Variants in PDE4A observed in about 807,000 individuals in gnomAD.
PDE4A encodes the protein 3',5'-cyclic-AMP phosphodiesterase 4A.
A neutral mutation model predicts 73.9 loss-of-function variants in PDE4A; 21 were observed. The observed-to-expected ratio is 0.28, with a 90% CI of 0.20 to 0.41. The LOEUF (loss-of-function observed/expected upper bound fraction) is 0.41, where lower values mean the gene tolerates loss of function less well. Among genes scored for constraint, PDE4A ranks in the 10% least tolerant of loss-of-function variants. PDE4A has a pLI of 1.00. For synonymous variants in PDE4A, 463 were observed against 505.4 expected (o/e 0.92, Z 1.13); for missense variants, 958 against 1,211.4 (o/e 0.79, Z 3.10).
At chr19:10,460,122 A>C (rs2043238915) in intron 10 of PDE4A, among the ~76,000 whole-genome samples, 1 of 151,452 alleles carries the variant, frequency 6.6e-6, no homozygotes, top group Admixed American at 6.6e-5. Context: ...CAACCTCGTG[A>C]TCAGCCCGCC....
intron 1 of PDE4A, among the ~76,000 whole-genome samples, chr19:10,427,197 G>A (rs975867330): frequency 6.6e-6 from 1 of 152,028 alleles, no homozygotes; most frequent in African/African-American, 2.4e-5. Flanking sequence ...CTACTCAGGA[G>A]GCTGAGGCAG....
chr19:10,447,329 C>T (rs1466225488), intron 2 of PDE4A, among the ~76,000 whole-genome samples: 2 of 147,038 alleles, frequency 1.4e-5, no homozygotes, highest in East Asian at 2.1e-4. Context: ...GGGTTCATGC[C>T]ATTCTCCTGC....
At chr19:10,465,800 G>C (rs373533372) in intron 14 of PDE4A, among the ~76,000 whole-genome samples, 2 of 134,736 alleles carry the variant, frequency 1.5e-5, no homozygotes, top group African/African-American at 2.8e-5. Flanking sequence ...TCCCGGGTTC[G>C]AGCCATTGTC....
Position 10,459,596 on chromosome 19 carries a change from AGCGGGACCT to A in PDE4A, c.1205_1213del (p.Arg402_Leu404del). On this transcript the variant is annotated inframe_deletion and splice_region_variant, in exon 10 of 15. Coordinates refer to ENST00000380702, the MANE Select transcript of PDE4A (RefSeq NM_001111307.2). ...CACCCTGCCCCTGCCTGCTCTCAGG[AGCGGGACCT>A]GCTGAAGAAATTCCGCATCCCTGTG... is the stretch of plus-strand genomic sequence containing the variant. 6.2e-7 allele frequency: 1 copy of A among 1,613,910 alleles called. No homozygotes were observed. Among genetic ancestry groups the A allele is most frequent in the Non-Finnish European group, 8.5e-7 (1 of 1,179,832 alleles).
In PDE4A at chr19:10,424,540, C is replaced by T. The variant is rs1351223485; in HGVS notation, c.320+3456C>T. Among the ~76,000 whole-genome samples the T allele has an allele frequency of 3.9e-5, 6 of 152,220 alleles. No individual in the cohort carries two copies. Among genetic ancestry groups the T allele is most frequent in the Admixed American group, 3.9e-4 (6 of 15,286 alleles). ...TGTGCGCTCCGAGCGCGGACCTGCT[C>T]CAGGGACGCCGCCAGTCCCGGAGCA... On this transcript the variant is annotated intron_variant, in intron 1 of 14. Transcript: ENST00000380702. This position sits in a 1 kb window ranked among gnomAD's most constrained non-coding sequence, Gnocchi z 4.8.
chr19:10,435,381 G>A (rs954068396), intron 1 of PDE4A, among the ~76,000 whole-genome samples: 2 of 149,006 alleles, frequency 1.3e-5, no homozygotes, highest in African/African-American at 2.6e-5. Context: ...GGGCAACATG[G>A]TGAAACCCCA....
chr19:10,448,626 A>C (rs1599432968), intron 2 of PDE4A, among the ~76,000 whole-genome samples: 3 of 146,386 alleles, frequency 2.0e-5, no homozygotes. Context: ...ACAGAGTGAG[A>C]CTCTGTCTAA....
At chr19:10,427,770 G>C in intron 1 of PDE4A, 1 of 978,438 alleles carries the variant, frequency 1.0e-6, no homozygotes, top group African/African-American at 1.8e-5. Flanking sequence ...TATTCCCAAG[G>C]GCTGATCTGA....
intron 14 of PDE4A, among the ~76,000 whole-genome samples, chr19:10,466,003 C>CTT (rs372475097): frequency 3.2e-5 from 4 of 126,520 alleles, no homozygotes; most frequent in Non-Finnish European, 6.7e-5. Context: ...ATCCGGCCTA[C>CTT]TTTTTTTTTT....
chr19:10,463,966 G>C lies in PDE4A; in HGVS notation c.1917G>C (p.Glu639Asp). ...GTGACAAGCACACTGCCTCCGTGGA[G>C]AAGTCTCAGGTACAGGCTCGGGGCA... ...PMCDKHTASV[E>D]KSQVGFIDYI... is the part of the protein sequence containing the mutation. The change falls in exon 14 of 15, where the codon GAG becomes GAC. Residue 639 changes from glutamate to aspartate, a missense_variant. This residue lies in a region of PDE4A where 570 missense variants were observed against 827.7 expected (regional missense o/e 0.69). Transcript: ENST00000380702. The C allele has an allele frequency of 6.2e-7, 1 of 1,614,154 alleles. No individual in the cohort carries two copies. The highest frequency in any genetic ancestry group is 8.5e-7 in the Non-Finnish European group (1 of 1,180,002).
chr19:10,417,272 G>A, upstream of PDE4A: 13 of 985,180 alleles, frequency 1.3e-5, no homozygotes, highest in Non-Finnish European at 1.6e-5. Context: ...GAGGTCTTGA[G>A]AGTCTCAGAT....
In PDE4A at chr19:10,458,976, C is replaced by T. The variant is rs1314001935; in HGVS notation, c.1102-424C>T. ...GGCCCTTTTCTGAATTTTGGAGAGA[C>T]ATGGAAAATAAGCCCTTCTTCCTTT... On this transcript the variant is annotated intron_variant, in intron 8 of 14. Transcript: ENST00000380702. The surrounding 1 kb of genome is among the most constrained non-coding windows in gnomAD (Gnocchi z 4.6). 5.7e-6 allele frequency: 1 copy of T among 176,030 alleles called. No individual in the cohort carries two copies. The highest frequency in any genetic ancestry group is 1.2e-5 in the Non-Finnish European group (1 of 81,768). 10.9% of individuals were successfully genotyped at this position (176,030 alleles called of 1,614,324 possible). A position where few individuals can be genotyped will look rare whatever the true frequency, so the allele number is the denominator to read the frequency against.
In PDE4A at chr19:10,450,746, C is replaced by A; in HGVS notation, c.671-83C>A. 5.7e-6 allele frequency: 9 copies of A among 1,579,260 alleles called. No homozygotes were observed. The South Asian group carries it at 1.0e-4, about 18-fold the overall frequency. ...CCCACCCAGCAGTCCACTCACCTGG[C>A]GAACCCCGTCACGGCGGTCTGGAGC... On this transcript the variant is annotated intron_variant, in intron 5 of 14. Transcript: ENST00000380702.
chr19:10,432,175 A>AC (rs2042798371), intron 1 of PDE4A, among the ~76,000 whole-genome samples: 1 of 3,796 alleles, frequency 2.6e-4, no homozygotes, highest in Non-Finnish European at 5.0e-4. Flanking sequence ...GAGGGAGGAG[A>AC]CGGGGGGGGG....
intron 1 of PDE4A, among the ~76,000 whole-genome samples, chr19:10,436,512 G>A (rs1326488016): frequency 2.0e-5 from 3 of 151,870 alleles, no homozygotes; most frequent in South Asian, 2.1e-4. Context: ...CCGAGATGGC[G>A]CCACTGCACT....
At chr19:10,462,122 T>C in intron 13 of PDE4A, 123 bp downstream of exon 13, 1 of 758,270 alleles carries the variant, frequency 1.3e-6, no homozygotes, top group South Asian at 2.0e-5. Context: ...CCTGTGTCCT[T>C]CTTTCTTTTT....
intron 7 of PDE4A, 35 bp downstream of exon 7, chr19:10,454,957 G>T: frequency 6.2e-7 from 1 of 1,608,100 alleles, no homozygotes; most frequent in Non-Finnish European, 8.5e-7. Flanking sequence ...TTGGAGGGGG[G>T]ACATTTGGGG....
At chr19:10,437,824 A>G (rs1256265590) in intron 1 of PDE4A, among the ~76,000 whole-genome samples, 1 of 86,216 alleles carries the variant, frequency 1.2e-5, no homozygotes, top group African/African-American at 4.4e-5. Context: ...TTTTTTTTTG[A>G]GACAGGGTCT....
intron 1 of PDE4A, 175 bp downstream of exon 1, chr19:10,421,259 C>T (rs2042648051): frequency 4.1e-6 from 4 of 985,292 alleles, no homozygotes; most frequent in Admixed American, 6.1e-5. Context: ...GTGCGCTCTA[C>T]GGGAGGCTTC....
Sources: allele counts gnomAD v4.1 joint callset (sites outside exome capture counted in the v4.1 genomes callset), GRCh38; gene constraint gnomAD v4.1.1; regional missense constraint gnomAD v4.1.1; non-coding constraint Gnocchi (gnomAD v3.1); transcripts MANE v1.5; gene names NCBI Gene and HGNC (gene_info 2026-07-23, HGNC 2026-07-21).